Variants in RBFOX1 observed in about 807,000 individuals in gnomAD.
RBFOX1 encodes the protein RNA binding fox-1 homolog 1.
In RBFOX1, 8 loss-of-function variants were observed where a neutral mutation model predicts 57.7. The ratio of observed to expected loss-of-function variants is 0.14; its 90% CI spans 0.08 to 0.25. RBFOX1 has a LOEUF of 0.25. RBFOX1 is among the 10% of genes least tolerant of loss of function. RBFOX1 has a pLI of 1.00. For missense variants in RBFOX1, 611 were observed against 548.5 expected, an observed-to-expected ratio of 1.11 and a Z score of -1.14; for synonymous variants, 326 against 222.4, an observed-to-expected ratio of 1.47 and a Z score of -4.15.
intron 9 of RBFOX1, among the ~76,000 whole-genome samples, chr16:7,604,410 A>G (rs2095196377): frequency 6.6e-6 from 1 of 152,216 alleles, no homozygotes; most frequent in Non-Finnish European, 1.5e-5. Flanking sequence ...GGTTTCTTGT[A>G]GAGGAGACTT....
In RBFOX1 at chr16:6,687,796, C is replaced by G. The variant is rs373185733; in HGVS notation, c.-16+33146C>G. On this transcript the variant is annotated intron_variant, in intron 3 of 15. Transcript: ENST00000550418. ...GGTCACATGACACTCCTCTTACTCC[C>G]TATTGGCTAGAACAAGTCACATGGG... is the stretch of plus-strand genomic sequence containing the variant. 1.1e-4 allele frequency among the ~76,000 whole-genome samples: 16 copies of G among 152,274 alleles called. No homozygotes were observed. In the East Asian group the frequency reaches 3.1e-3, roughly 29 times the overall value.
At chr16:5,901,113 C>G (rs563629539) in intron 4 of RBFOX1, among the ~76,000 whole-genome samples, 2 of 152,264 alleles carry the variant, frequency 1.3e-5, no homozygotes, top group East Asian at 3.9e-4. Context: ...AACGGAGACG[C>G]GTGTTGATTA....
chr16:6,849,774 TCTC>T (rs1258035511), intron 3 of RBFOX1, among the ~76,000 whole-genome samples: 4 of 152,172 alleles, frequency 2.6e-5, no homozygotes, highest in Admixed American at 2.0e-4. Context: ...ACAAATGCCA[TCTC>T]CTCCAAGAAG....
intron 3 of RBFOX1, among the ~76,000 whole-genome samples, chr16:6,821,619 A>G (rs1185789806): frequency 1.3e-5 from 2 of 152,186 alleles, no homozygotes; most frequent in Non-Finnish European, 2.9e-5. Flanking sequence ...CGTTTATGAT[A>G]TCTTACATAA....
At chr16:6,600,776 C>A (rs1256409671) in intron 2 of RBFOX1, among the ~76,000 whole-genome samples, 1 of 151,926 alleles carries the variant, frequency 6.6e-6, no homozygotes, top group East Asian at 1.9e-4. Context: ...AGATTATATC[C>A]TTTTATGTGG....
chr16:6,823,754 A>G (rs2091713015), intron 3 of RBFOX1, among the ~76,000 whole-genome samples: 1 of 152,198 alleles, frequency 6.6e-6, no homozygotes, highest in Non-Finnish European at 1.5e-5. Context: ...AATGTTAAAT[A>G]TCAGCCACTG....
intron 1 of RBFOX1, among the ~76,000 whole-genome samples, chr16:6,161,367 C>T (rs1028657429): frequency 2.1e-5 from 3 of 141,958 alleles, no homozygotes; most frequent in Non-Finnish European, 3.0e-5. Context: ...CCAGCCTGGG[C>T]GATAGAGTGA....
At chr16:6,167,286 T>C (rs906211763) in intron 1 of RBFOX1, among the ~76,000 whole-genome samples, 2 of 152,214 alleles carry the variant, frequency 1.3e-5, no homozygotes, top group Non-Finnish European at 2.9e-5. Context: ...CCTTTCCAAA[T>C]TGCACCTACC....
At chr16:7,187,741 C>T (rs564874152) in intron 4 of RBFOX1, among the ~76,000 whole-genome samples, 5 of 124,012 alleles carry the variant, frequency 4.0e-5, no homozygotes, top group South Asian at 2.6e-4. Flanking sequence ...AGAAAAGAAG[C>T]GCTTTTAAAA....
intron 4 of RBFOX1, among the ~76,000 whole-genome samples, chr16:7,246,103 G>C (rs978509718): frequency 7.2e-6 from 1 of 139,546 alleles, no homozygotes; most frequent in African/African-American, 3.4e-5. Context: ...AATATTTTGA[G>C]AGTTTTTTTC....
intron 3 of RBFOX1, among the ~76,000 whole-genome samples, chr16:6,889,203 C>G (rs2064848774): frequency 6.6e-6 from 1 of 152,172 alleles, no homozygotes; most frequent in African/African-American, 2.4e-5. Flanking sequence ...GTGAGCCACC[C>G]CTGTCTTTGA....
At chr16:6,593,352 T>G (rs2097740860) in intron 2 of RBFOX1, among the ~76,000 whole-genome samples, 1 of 152,156 alleles carries the variant, frequency 6.6e-6, no homozygotes. Flanking sequence ...AAAGAAAGGG[T>G]TAAAATCATG....
At chr16:6,464,663 C>T (rs575140223) in intron 2 of RBFOX1, among the ~76,000 whole-genome samples, 3 of 152,342 alleles carry the variant, frequency 2.0e-5, no homozygotes, top group South Asian at 4.1e-4. Flanking sequence ...ATAGTTAATT[C>T]TTCGCAATGA....
intron 3 of RBFOX1, among the ~76,000 whole-genome samples, chr16:5,723,637 T>G (rs1217739404): frequency 6.6e-6 from 1 of 151,970 alleles, no homozygotes; most frequent in African/African-American, 2.4e-5. Context: ...GAGGTCTGAT[T>G]TTGAGACCTT....
chr16:7,361,406 GA>G (rs2097317006), intron 4 of RBFOX1, among the ~76,000 whole-genome samples: 1 of 152,140 alleles, frequency 6.6e-6, no homozygotes, highest in Admixed American at 6.5e-5. Flanking sequence ...ATCAAAGAAC[GA>G]GGCTGCGGCA....
intron 4 of RBFOX1, among the ~76,000 whole-genome samples, chr16:5,983,066 C>G (rs79810078): frequency 0.01 from 1,566 of 152,318 alleles, 28 homozygotes; most frequent in African/African-American, 0.036. Context: ...GTCTGCAGCT[C>G]TGACTCAAGA....
intron 2 of RBFOX1, among the ~76,000 whole-genome samples, chr16:6,637,566 C>CTATATAGTATATATAGAA (rs1325895604): frequency 7.7e-6 from 1 of 129,956 alleles, no homozygotes; most frequent in Non-Finnish European, 1.6e-5. Context: ...ATATAATATT[C>CTATATAGTATATATAGAA]TATATAGTAT....
intron 2 of RBFOX1, among the ~76,000 whole-genome samples, chr16:6,384,932 ACACC>A (rs771321660): frequency 6.6e-6 from 1 of 152,156 alleles, no homozygotes; most frequent in Non-Finnish European, 1.5e-5. Context: ...TAAGAAACTT[ACACC>A]CAGAAACTGC....
intron 1 of RBFOX1, among the ~76,000 whole-genome samples, chr16:6,209,354 G>C (rs2097276885): frequency 6.6e-6 from 1 of 152,106 alleles, no homozygotes; most frequent in Non-Finnish European, 1.5e-5. Flanking sequence ...TGCATCAGGA[G>C]AGATCCCTGC....
Sources: gnomAD v4.1 joint callset for allele counts (sites outside exome capture counted in the v4.1 genomes callset) on GRCh38, gnomAD v4.1.1 for gene constraint, MANE v1.5 for transcripts, NCBI Gene and HGNC (gene_info 2026-07-23, HGNC 2026-07-21) for gene names.